The following ADK variants were observed in gnomAD, a reference collection of about 807,000 sequenced individuals.
The protein encoded by ADK is adenosine kinase, also known as N6,N6-dimethyladenosine kinase.
ADK carries 24 observed loss-of-function variants against 44.7 expected under a neutral mutation model. That is an observed-to-expected ratio of 0.54 (90% CI 0.39 to 0.76). ADK has a LOEUF of 0.76. Ranked by LOEUF, ADK falls within the 30% of genes least tolerant of loss-of-function variation. The probability of loss-of-function intolerance (pLI) is 0.00; values close to 1 mark genes in which losing one functional copy is unlikely to be tolerated. For missense variants in ADK, 321 were observed against 425.1 expected (o/e 0.76, Z 2.15); for synonymous variants, 128 against 142.6 (o/e 0.90, Z 0.73).
chr10:74,362,597 T>A (rs1456943168), intron 4 of ADK, among the ~76,000 whole-genome samples: 1 of 152,216 alleles, frequency 6.6e-6, no homozygotes, highest in Non-Finnish European at 1.5e-5. Context: ...TCCCTAAATG[T>A]TCTCAATGCT....
intron 9 of ADK, among the ~76,000 whole-genome samples, chr10:74,664,058 A>C (rs1280282931): frequency 6.6e-6 from 1 of 152,228 alleles, no homozygotes; most frequent in Non-Finnish European, 1.5e-5. Context: ...CAAAATAATT[A>C]AATTTAAGGT....
chr10:74,598,440 C>CTTTTTTTTTTTTTTTTTTTTT (rs367982701), intron 8 of ADK, among the ~76,000 whole-genome samples: 1 of 114,072 alleles, frequency 8.8e-6, no homozygotes, highest in African/African-American at 4.0e-5. Context: ...GAATCTTATT[C>CTTTTTTTTTTTTTTTTTTTTT]CTTTTTTTTT....
intron 9 of ADK, among the ~76,000 whole-genome samples, chr10:74,653,753 A>G (rs1446826823): frequency 6.6e-6 from 1 of 152,240 alleles, no homozygotes; most frequent in Non-Finnish European, 1.5e-5. Context: ...TATTCCAAGT[A>G]GACAAGTAAT....
chr10:74,232,259 C>G (rs1490324709), intron 3 of ADK, among the ~76,000 whole-genome samples: 1 of 152,116 alleles, frequency 6.6e-6, no homozygotes, highest in African/African-American at 2.4e-5. Context: ...TAGCTCACGC[C>G]TGTAGTCCCA....
At chr10:74,707,081 G>A (rs932149814) in intron 10 of ADK, among the ~76,000 whole-genome samples, 1 of 152,108 alleles carries the variant, frequency 6.6e-6, no homozygotes, top group African/African-American at 2.4e-5. Context: ...TGTTACCCAG[G>A]TTGGGGTGCA....
chr10:74,458,928 T>C (rs1272639086), intron 6 of ADK, among the ~76,000 whole-genome samples: 1 of 152,070 alleles, frequency 6.6e-6, no homozygotes, highest in Non-Finnish European at 1.5e-5. Context: ...AACATACACA[T>C]ATATACTCTA....
intron 1 of ADK, among the ~76,000 whole-genome samples, chr10:74,168,560 G>GA (rs199663399): frequency 0.018 from 2,625 of 144,804 alleles, 94 homozygotes; most frequent in African/African-American, 0.063. Flanking sequence ...AAGAAAGAAA[G>GA]AAAAAAAAGA....
chr10:74,455,694 G>C (rs915550251), intron 6 of ADK, among the ~76,000 whole-genome samples: 1 of 152,080 alleles, frequency 6.6e-6, no homozygotes, highest in Non-Finnish European at 1.5e-5. Context: ...ATTTTTATTA[G>C]AGACAGGGTT....
At chr10:74,286,791 A>T (rs962064998) in intron 3 of ADK, among the ~76,000 whole-genome samples, 1 of 152,254 alleles carries the variant, frequency 6.6e-6, no homozygotes, top group Admixed American at 6.5e-5. Context: ...AATGATTCGC[A>T]TGTATTATCA....
intron 10 of ADK, among the ~76,000 whole-genome samples, chr10:74,686,730 G>A (rs1490236925): frequency 2.0e-5 from 3 of 152,088 alleles, no homozygotes; most frequent in African/African-American, 7.2e-5. Context: ...AGGCTGGAGT[G>A]CAGTGGCATG....
chr10:74,516,533 T>C (rs535257014), intron 6 of ADK, among the ~76,000 whole-genome samples: 10 of 151,666 alleles, frequency 6.6e-5, no homozygotes, highest in African/African-American at 2.4e-4. Context: ...CTTTTCTTTT[T>C]TTTTTTTTGA....
At chr10:74,523,902 C>G (rs1267497870) in intron 6 of ADK, among the ~76,000 whole-genome samples, 1 of 152,154 alleles carries the variant, frequency 6.6e-6, no homozygotes, top group East Asian at 1.9e-4. Context: ...GTTAACTTTG[C>G]TTTAAATTTT....
intron 6 of ADK, among the ~76,000 whole-genome samples, chr10:74,486,237 G>A (rs1430979468): frequency 2.6e-5 from 4 of 151,702 alleles, no homozygotes; most frequent in Admixed American, 6.6e-5. Context: ...TCTCTCTCTC[G>A]CCTGCCACCA....
At chr10:74,640,235 C>G (rs1853792748) in intron 9 of ADK, among the ~76,000 whole-genome samples, 2 of 152,210 alleles carry the variant, frequency 1.3e-5, no homozygotes, top group Admixed American at 1.3e-4. Flanking sequence ...AAGTGGCTCT[C>G]TCTCAGATCT....
At chr10:74,375,431 T>C (rs999596274) in intron 4 of ADK, among the ~76,000 whole-genome samples, 11 of 152,212 alleles carry the variant, frequency 7.2e-5, no homozygotes, top group African/African-American at 1.9e-4. Context: ...TTTAAAAAAA[T>C]TGTAGTTGTG....
chr10:74,683,618 A>C (rs548351451), intron 10 of ADK, among the ~76,000 whole-genome samples: 1 of 152,234 alleles, frequency 6.6e-6, no homozygotes, highest in Non-Finnish European at 1.5e-5. Flanking sequence ...CTGAAATGAC[A>C]TGAAAAATAC....
At chr10:74,573,706 A>G (rs1851059875) in intron 7 of ADK, among the ~76,000 whole-genome samples, 1 of 152,184 alleles carries the variant, frequency 6.6e-6, no homozygotes, top group South Asian at 2.1e-4. Flanking sequence ...AAGCCTCGGC[A>G]ATGGCGGGCG....
rs112918678 is a variant in ADK, at chr10:74,596,151, T to TA, written c.763-4219dup. Among the ~76,000 whole-genome samples the TA allele has an allele frequency of 9.9e-3, 1,501 of 151,142 alleles. 16 individuals carry two copies. The highest frequency in any genetic ancestry group is 0.029 in the African/African-American group (1,205 of 41,162). On this transcript the variant is annotated intron_variant, in intron 8 of 10. Coordinates refer to ENST00000539909, the MANE Select transcript of ADK (RefSeq NM_006721.4). ...GGATGAACATGCTATAGTTTTGTGATAAAAAAAAACAACAAAAAGCACATT... is the reference window on the plus strand; with the variant it reads ...GGATGAACATGCTATAGTTTTGTGATAAAAAAAAAACAACAAAAAGCACATT...
intron 4 of ADK, among the ~76,000 whole-genome samples, chr10:74,365,513 T>C (rs1476403807): frequency 6.6e-5 from 10 of 152,260 alleles, no homozygotes; most frequent in Non-Finnish European, 1.5e-5. Context: ...TTGTTATTCA[T>C]TCATCAATTG....
Sources: allele counts gnomAD v4.1 joint callset (sites outside exome capture counted in the v4.1 genomes callset), GRCh38; gene constraint gnomAD v4.1.1; transcripts MANE v1.5; gene names NCBI Gene and HGNC (gene_info 2026-07-23, HGNC 2026-07-21).